MAP2K2: variants seen among roughly 807,000 people sequenced by gnomAD.
MAP2K2 encodes the protein dual specificity mitogen-activated protein kinase kinase 2.
Under a neutral mutation model 43.7 loss-of-function variants are expected in MAP2K2, and 24 were observed. The observed-to-expected ratio is 0.55, with a 90% confidence interval of 0.40 to 0.77. The LOEUF (loss-of-function observed/expected upper bound fraction) is 0.77. MAP2K2 is among the 30% of genes least tolerant of loss of function. MAP2K2 has a pLI of 0.00. For synonymous variants in MAP2K2, 244 were observed against 239.7 expected, an observed-to-expected ratio of 1.02 and a Z score of -0.17; for missense variants, 470 against 566.8, an observed-to-expected ratio of 0.83 and a Z score of 1.73.
intron 7 of MAP2K2, among the ~76,000 whole-genome samples, chr19:4,098,897 G>T: frequency 6.6e-6 from 1 of 152,362 alleles, no homozygotes; most frequent in South Asian, 2.1e-4. Context: ...GAATGCTTTC[G>T]GGATAAAATG....
intron 6 of MAP2K2, chr19:4,100,428 T>TGGAAA (rs1568253174): frequency 1.9e-4 from 4 of 21,512 alleles, no homozygotes; most frequent in African/African-American, 9.4e-4. Flanking sequence ...AGACTCTGTC[T>TGGAAA]CAAAAAAAAA....
chr19:4,123,887 G>C lies in MAP2K2; in HGVS notation c.-12C>G. The C allele has an allele frequency of 7.1e-7, 1 of 1,417,734 alleles. No homozygotes were observed. Among genetic ancestry groups the C allele is most frequent in the Non-Finnish European group, 9.3e-7 (1 of 1,079,776 alleles). 87.8% of individuals were successfully genotyped at this position (1,417,734 alleles called of 1,614,324 possible). A position where few individuals can be genotyped will look rare whatever the true frequency, so the allele number is the denominator to read the frequency against. On this transcript the variant is annotated 5_prime_UTR_variant, in exon 1 of 11. Coordinates refer to ENST00000262948, the MANE Select transcript of MAP2K2 (RefSeq NM_030662.4). Reference sequence around the variant, plus strand: ...CTCCGGGCCAGCATCGGGGCTCCGCGGGCCGGCGGCGGCGGCGCCTCTAGC... The same window carrying C: ...CTCCGGGCCAGCATCGGGGCTCCGCCGGCCGGCGGCGGCGGCGCCTCTAGC...
At chr19:4,094,563 G>T (rs1236322656) in intron 9 of MAP2K2, 65 bp from the exon 10 acceptor site, 2 of 1,493,012 alleles carry the variant, frequency 1.3e-6, no homozygotes, top group African/African-American at 2.8e-5. Flanking sequence ...GTCAGCTGGT[G>T]GCCCCGGGGC....
In MAP2K2 at chr19:4,101,774, C is replaced by T. The variant is rs191730543; in HGVS notation, c.529-494G>A. On this transcript the variant is annotated intron_variant, in intron 4 of 10. Coordinates refer to ENST00000262948, the MANE Select transcript of MAP2K2 (RefSeq NM_030662.4). The surrounding 1 kb of genome is among the most constrained non-coding windows in gnomAD (Gnocchi z 6.3). ...GAAGCAAGCAGCACAGGCAGTGTGA[C>T]GGCAGCTTTCAACTCGGAAACGCGT... is the stretch of plus-strand genomic sequence containing the variant. Among the ~76,000 whole-genome samples, 59 of 152,262 alleles carry T rather than the reference C, an allele frequency of 3.9e-4. No homozygotes were observed. Among genetic ancestry groups the T allele is most frequent in the East Asian group, 3.9e-3 (20 of 5,176 alleles).
intron 8 of MAP2K2, among the ~76,000 whole-genome samples, chr19:4,095,994 C>T (rs908185853): frequency 2.0e-5 from 3 of 152,134 alleles, no homozygotes; most frequent in East Asian, 1.9e-4. Flanking sequence ...AGGCTGGTCT[C>T]GAACTCCTGA....
rs748264048 is a variant in MAP2K2, at chr19:4,097,264, G to T, written c.984+15C>A. On this transcript the variant is annotated intron_variant, in intron 8 of 10. Transcript: ENST00000262948. ...AGAAAAGGAAAAGAAAAGCCAAAAGGCATCAAGCACAAACCTCGTTCACAA... is the reference window on the plus strand; with the variant it reads ...AGAAAAGGAAAAGAAAAGCCAAAAGTCATCAAGCACAAACCTCGTTCACAA... 4 of 1,558,760 alleles carry T rather than the reference G, an allele frequency of 2.6e-6. No homozygotes were observed. Among genetic ancestry groups the T allele is most frequent in the Non-Finnish European group, 3.5e-6 (4 of 1,133,104 alleles).
Position 4,101,375 on chromosome 19 carries a change from G to A in MAP2K2, c.529-95C>T. On this transcript the variant is annotated intron_variant, in intron 4 of 10. Transcript: ENST00000262948. The surrounding 1 kb of genome is among the most constrained non-coding windows in gnomAD (Gnocchi z 6.3). ...TCAGAGCTGAGCAGTCAGAGCTGGAGCGAGGGAGCTGCGGCAGGAACCATT... is the reference window on the plus strand; with the variant it reads ...TCAGAGCTGAGCAGTCAGAGCTGGAACGAGGGAGCTGCGGCAGGAACCATT... 7.3e-7 allele frequency: 1 copy of A among 1,367,364 alleles called. No individual in the cohort carries two copies. The highest frequency in any genetic ancestry group is 1.0e-6 in the Non-Finnish European group (1 of 980,880). The allele number at this position is 1,367,364 out of a possible 1,614,324, so 84.7% of individuals were successfully genotyped here. A position where few individuals can be genotyped will look rare whatever the true frequency, so the allele number is the denominator to read the frequency against.
intron 2 of MAP2K2, among the ~76,000 whole-genome samples, chr19:4,117,011 C>T (rs142545030): frequency 2.0e-5 from 3 of 152,222 alleles, no homozygotes; most frequent in African/African-American, 7.2e-5. Context: ...GCCACCGCTG[C>T]GTAGGCGGTC....
At chr19:4,106,544 G>A (rs1344764836) in intron 3 of MAP2K2, among the ~76,000 whole-genome samples, 1 of 152,174 alleles carries the variant, frequency 6.6e-6, no homozygotes, top group Non-Finnish European at 1.5e-5. Context: ...GAGGAGCTGG[G>A]ACTACAGGCG....
intron 10 of MAP2K2, among the ~76,000 whole-genome samples, chr19:4,093,847 G>T (rs1599280652): frequency 6.6e-6 from 1 of 152,180 alleles, no homozygotes. Context: ...CTGTCGAGGG[G>T]TTTGAAGGTC....
At chr19:4,100,900 G>T in intron 6 of MAP2K2, 119 bp downstream of exon 6, 1 of 1,192,100 alleles carries the variant, frequency 8.4e-7, no homozygotes, top group Non-Finnish European at 1.2e-6. Context: ...AGGGACAGCT[G>T]CGCAGGAGAC....
rs1012216102 is a variant in MAP2K2, at chr19:4,101,790, G to A, written c.529-510C>T. Among the ~76,000 whole-genome samples, 2 of 152,146 alleles carry A rather than the reference G, an allele frequency of 1.3e-5. No individual in the cohort carries two copies. Among genetic ancestry groups the A allele is most frequent in the Non-Finnish European group, 2.9e-5 (2 of 68,020 alleles). ...GCAGTGTGACGGCAGCTTTCAACTC[G>A]GAAACGCGTGTCTGGCAGCATGCGT... On this transcript the variant is annotated intron_variant, in intron 4 of 10. Transcript: ENST00000262948. The surrounding 1 kb of genome is among the most constrained non-coding windows in gnomAD (Gnocchi z 6.3).
rs1374005276 is a variant in MAP2K2 at position 4,095,374 on chromosome 19, C to G, written c.1046+14G>C. The G allele has an allele frequency of 6.4e-6, 10 of 1,550,542 alleles. No individual in the cohort carries two copies. Among genetic ancestry groups the G allele is most frequent in the Non-Finnish European group, 8.7e-6 (10 of 1,146,630 alleles). ...GGTCCCGGCCAGGGGTGTGGGCAGC[C>G]CGGCTCCACCTACCATTTATTGACA... On this transcript the variant is annotated intron_variant, in intron 9 of 10. Coordinates refer to ENST00000262948, the MANE Select transcript of MAP2K2 (RefSeq NM_030662.4).
At chr19:4,118,551 C>CCTGGGCAGCAGAGGG (rs2041256476) in intron 1 of MAP2K2, among the ~76,000 whole-genome samples, 1 of 152,128 alleles carries the variant, frequency 6.6e-6, no homozygotes. Context: ...TGCACTCCAG[C>CCTGGGCAGCAGAGGG]CTGGGCAGCA....
At chr19:4,121,414 A>G (rs112142325) in intron 1 of MAP2K2, among the ~76,000 whole-genome samples, 196 of 151,328 alleles carry the variant, frequency 1.3e-3, no homozygotes, top group African/African-American at 4.6e-3. Flanking sequence ...TTCCAGCTTC[A>G]GGGACTCCAC....
intron 3 of MAP2K2, among the ~76,000 whole-genome samples, chr19:4,108,616 C>T (rs1048018384): frequency 7.2e-5 from 11 of 152,260 alleles, no homozygotes; most frequent in East Asian, 5.8e-4. Flanking sequence ...CTCCCTCCTG[C>T]AGCCTGGTGG....
At chr19:4,097,704 G>A (rs779932407) in intron 7 of MAP2K2, among the ~76,000 whole-genome samples, 11 of 152,314 alleles carry the variant, frequency 7.2e-5, no homozygotes, top group South Asian at 4.1e-4. Flanking sequence ...AAGGACAGCC[G>A]CGTGACCTTG....
chr19:4,098,354 C>T (rs773692660), intron 7 of MAP2K2, among the ~76,000 whole-genome samples: 7 of 152,128 alleles, frequency 4.6e-5, no homozygotes, highest in Non-Finnish European at 7.3e-5. Flanking sequence ...GGTGATGGGG[C>T]GCAGCACTGT....
intron 2 of MAP2K2, among the ~76,000 whole-genome samples, chr19:4,117,062 T>C (rs1356502273): frequency 1.3e-5 from 2 of 152,228 alleles, no homozygotes; most frequent in Non-Finnish European, 2.9e-5. Context: ...GCTGTACACA[T>C]AGGCGCAAAC....
Sources: gnomAD v4.1 joint callset for allele counts (sites outside exome capture counted in the v4.1 genomes callset) on GRCh38, gnomAD v4.1.1 for gene constraint, Gnocchi (gnomAD v3.1) non-coding constraint, MANE v1.5 for transcripts, NCBI Gene and HGNC (gene_info 2026-07-23, HGNC 2026-07-21) for gene names.